MMP23B: variants seen among roughly 807,000 people sequenced by gnomAD.
The protein encoded by MMP23B is matrix metallopeptidase 23B.
Under a neutral mutation model 17.3 loss-of-function variants are expected in MMP23B, and 8 were observed. The observed-to-expected ratio is 0.46, with a 90% CI of 0.27 to 0.83. The LOEUF (loss-of-function observed/expected upper bound fraction) is 0.83. Among genes scored for constraint, MMP23B ranks in the 40% least tolerant of loss-of-function variants. The pLI, the probability that MMP23B is intolerant of heterozygous loss-of-function variation, is 0.14. For synonymous variants in MMP23B, 86 were observed against 116.5 expected, an observed-to-expected ratio of 0.74 and a Z score of 1.69; for missense variants, 154 against 246.2, an observed-to-expected ratio of 0.63 and a Z score of 2.51.
rs1639020920 is a variant in MMP23B, at chr1:1,632,323, G to A, written c.105G>A (p.Val35=). The A allele has an allele frequency of 2.1e-6, 3 of 1,427,132 alleles. No homozygotes were observed. The highest frequency in any genetic ancestry group is 1.8e-6 in the Non-Finnish European group (2 of 1,097,644). The allele number at this position is 1,427,132 out of a possible 1,614,324, so 88.4% of individuals were successfully genotyped here. The change falls in exon 1 of 8, where the codon GTG becomes GTA. Residue 35 remains valine (V), a synonymous_variant. Coordinates refer to ENST00000356026, the MANE Select transcript of MMP23B (RefSeq NM_006983.2). The part of the protein sequence containing the change: ...LVALCLLPAL[V]LLARLGAPAV... Reference sequence around the variant, plus strand: ...CCCTGTGCCTCCTCCCCGCGCTGGTGCTGCTGGCCCGGCTGGGGGCCCCGG... The same window carrying A: ...CCCTGTGCCTCCTCCCCGCGCTGGTACTGCTGGCCCGGCTGGGGGCCCCGG...
rs911062963 is a variant in MMP23B at position 1,632,510 on chromosome 1, G to A, written c.156+136G>A. ...GGTCCGGATGTGCGTCCCGAGGTCG[G>A]AGGGTTGGACGCCCCTGTGTCCAGT... On this transcript the variant is annotated intron_variant, in intron 1 of 7. Transcript: ENST00000356026. The A allele has an allele frequency of 2.6e-5, 19 of 728,278 alleles. 1 individual carries two copies. In the African/African-American group the frequency reaches 2.9e-4, roughly 11 times the overall value. 45.1% of individuals were successfully genotyped at this position (728,278 alleles called of 1,614,324 possible). A position where few individuals can be genotyped will look rare whatever the true frequency, so the allele number is the denominator to read the frequency against.
intron 1 of MMP23B, 35 bp downstream of exon 1, chr1:1,632,409 GGGGGGTCCTCACGTCTGT>G: frequency 7.3e-7 from 1 of 1,369,868 alleles, no homozygotes; most frequent in East Asian, 2.9e-5. Context: ...TGCCGGGTTG[GGGGGGTCCTCACGTCTGT>G]GGGTCTGGTC....
chr1:1,632,788 C>T lies in MMP23B; in HGVS notation c.162C>T (p.Asp54=). 2 of 198,512 alleles carry T rather than the reference C, an allele frequency of 1.0e-5. No individual in the cohort carries two copies. The highest frequency in any genetic ancestry group is 5.7e-5 in the South Asian group (2 of 35,384). The allele number at this position is 198,512 out of a possible 1,614,324, so 12.3% of individuals were successfully genotyped here. Residue 54 remains aspartate, a synonymous_variant, in exon 2 of 8, where the codon GAC becomes GAT. Transcript: ENST00000356026. ...AVPAWSAAQG[D]VAALGLSAVP... ...GCACGCTTTCTTCCCTGAAGGGAGACGTCGCTGCGCTGGGCCTCTCGGCGG... is the reference window on the plus strand; with the variant it reads ...GCACGCTTTCTTCCCTGAAGGGAGATGTCGCTGCGCTGGGCCTCTCGGCGG...
chr1:1,632,365 C>A lies in MMP23B; in HGVS notation c.147C>A (p.Ser49Arg). 1 of 1,385,508 alleles carries A rather than the reference C, an allele frequency of 7.2e-7. No homozygotes were observed. Among genetic ancestry groups the A allele is most frequent in the South Asian group, 1.7e-5 (1 of 59,528 alleles). The allele number at this position is 1,385,508 out of a possible 1,614,324, so 85.8% of individuals were successfully genotyped here. Residue 49 changes from serine to arginine, a missense_variant, in exon 1 of 8, where the codon AGC becomes AGA. This residue lies in a region of MMP23B where 129 missense variants were observed against 83.5 expected (regional missense o/e 1.54). Coordinates refer to ENST00000356026, the MANE Select transcript of MMP23B (RefSeq NM_006983.2). Reference sequence around the variant, plus strand: ...GGGCCCCGGCGGTGCCGGCCTGGAGCGCAGCGCAGGTGAGCGGCGGGGGGG... The same window carrying A: ...GGGCCCCGGCGGTGCCGGCCTGGAGAGCAGCGCAGGTGAGCGGCGGGGGGG... ...RLGAPAVPAWSAAQGDVAALG... is the reference protein window; with the variant it reads ...RLGAPAVPAWRAAQGDVAALG...
In MMP23B at chr1:1,632,766, C is replaced by A; in HGVS notation, c.157-17C>A. 1 of 225,830 alleles carries A rather than the reference C, an allele frequency of 4.4e-6. No individual in the cohort carries two copies. 14.0% of individuals were successfully genotyped at this position (225,830 alleles called of 1,614,324 possible). On this transcript the variant is annotated splice_polypyrimidine_tract_variant and intron_variant, in intron 1 of 7. Transcript: ENST00000356026. ...GACCGTCACCGATGCCTCCCACGCA[C>A]GCTTTCTTCCCTGAAGGGAGACGTC...
intron 1 of MMP23B, 91 bp downstream of exon 1, chr1:1,632,465 G>C: frequency 9.2e-7 from 1 of 1,081,348 alleles, no homozygotes; most frequent in Non-Finnish European, 1.3e-6. Context: ...GACGTGTGCG[G>C]GGTGTGCGGG....
chr1:1,632,337 T>A lies in MMP23B; in HGVS notation c.119T>A (p.Leu40Gln). The change falls in exon 1 of 8, where the codon CTG (leucine) becomes CAG (glutamine). Residue 40 changes from leucine (L) to glutamine (Q), a missense_variant. By Grantham distance (113) the Leu-to-Gln change is moderately radical (BLOSUM62 -2). Coordinates refer to ENST00000356026, the MANE Select transcript of MMP23B (RefSeq NM_006983.2). Reference sequence around the variant, plus strand: ...CCCGCGCTGGTGCTGCTGGCCCGGCTGGGGGCCCCGGCGGTGCCGGCCTGG... The same window carrying A: ...CCCGCGCTGGTGCTGCTGGCCCGGCAGGGGGCCCCGGCGGTGCCGGCCTGG... Reference protein sequence around the residue: ...LLPALVLLARLGAPAVPAWSA... With the variant: ...LLPALVLLARQGAPAVPAWSA... 7.1e-7 allele frequency: 1 copy of A among 1,410,166 alleles called. No individual in the cohort carries two copies. The allele number at this position is 1,410,166 out of a possible 1,614,324, so 87.4% of individuals were successfully genotyped here.
At position 1,632,301 on chromosome 1, in the gene MMP23B, T is replaced by G; in HGVS notation, c.83T>G (p.Leu28Arg). ...TGGCTTGGAGCCGCGCTGGTCGCCC[T>G]GTGCCTCCTCCCCGCGCTGGTGCTG... Reference protein sequence around the residue: ...RRWLGAALVALCLLPALVLLA... With the variant: ...RRWLGAALVARCLLPALVLLA... Residue 28 changes from leucine to arginine, a missense_variant, in exon 1 of 8, where the codon CTG (leucine) becomes CGG (arginine). Around this residue, in one of 4 missense-constraint regions of MMP23B, gnomAD observed 129 missense variants for 83.5 expected, o/e 1.54. Coordinates refer to ENST00000356026, the MANE Select transcript of MMP23B (RefSeq NM_006983.2). 1 of 1,430,644 alleles carries G rather than the reference T, an allele frequency of 7.0e-7. No homozygotes were observed. Among genetic ancestry groups the G allele is most frequent in the Non-Finnish European group, 9.1e-7 (1 of 1,098,176 alleles). 88.6% of individuals were successfully genotyped at this position (1,430,644 alleles called of 1,614,324 possible). A position where few individuals can be genotyped will look rare whatever the true frequency, so the allele number is the denominator to read the frequency against.
In MMP23B at chr1:1,632,235, G is replaced by A. The variant is rs979717776; in HGVS notation, c.17G>A (p.Arg6His). The A allele has an allele frequency of 3.2e-5, 43 of 1,338,152 alleles. No individual in the cohort carries two copies. The highest frequency in any genetic ancestry group is 4.1e-5 in the South Asian group (2 of 48,470). The allele number at this position is 1,338,152 out of a possible 1,614,324, so 82.9% of individuals were successfully genotyped here. Residue 6 changes from arginine to histidine, a missense_variant, in exon 1 of 8, where the codon CGT becomes CAT. Physicochemically the swap from Arg to His is conservative, Grantham distance 29. Around this residue, in one of 4 missense-constraint regions of MMP23B, gnomAD observed 129 missense variants for 83.5 expected, o/e 1.54. Transcript: ENST00000356026. MGRGA[R>H]VPSEAPGAGV... Reference sequence around the variant, plus strand: ...AAGTCTGCCATGGGCCGCGGGGCCCGTGTCCCCTCGGAGGCCCCGGGGGCA... The same window carrying A: ...AAGTCTGCCATGGGCCGCGGGGCCCATGTCCCCTCGGAGGCCCCGGGGGCA...
rs1639010765 is a variant in MMP23B at position 1,632,188 on chromosome 1, A to T, written c.-31A>T. 1 of 1,253,952 alleles carries T rather than the reference A, an allele frequency of 8.0e-7. No homozygotes were observed. Among genetic ancestry groups the T allele is most frequent in the South Asian group, 3.0e-5 (1 of 32,986 alleles). The allele number at this position is 1,253,952 out of a possible 1,614,324, so 77.7% of individuals were successfully genotyped here. ...CCGGGCCCCCGCGCCTTGCTGCCCC[A>T]TGCAGCCCTGAGCCCCACAGCAAGT... On this transcript the variant is annotated 5_prime_UTR_variant, in exon 1 of 8. The change abolishes an upstream ATG in the 5' untranslated region. Coordinates refer to ENST00000356026, the MANE Select transcript of MMP23B (RefSeq NM_006983.2).
rs886729034 is a variant in MMP23B at position 1,632,416 on chromosome 1, C to A, written c.156+42C>A. ...AGGCCAGGTGCCGGGTTGGGGGGGTCCTCACGTCTGTGGGTCTGGTCTATC... is the reference window on the plus strand; with the variant it reads ...AGGCCAGGTGCCGGGTTGGGGGGGTACTCACGTCTGTGGGTCTGGTCTATC... On this transcript the variant is annotated intron_variant, in intron 1 of 7. Coordinates refer to ENST00000356026, the MANE Select transcript of MMP23B (RefSeq NM_006983.2). The A allele has an allele frequency of 2.9e-6, 4 of 1,358,806 alleles. No homozygotes were observed. In the African/African-American group the frequency reaches 4.5e-5, roughly 15 times the overall value. 84.2% of individuals were successfully genotyped at this position (1,358,806 alleles called of 1,614,324 possible).
Position 1,634,456 on chromosome 1 carries a change from A to G in MMP23B, c.1004A>G (p.Tyr335Cys). ...GACGCCCCGCCCCCCTGCAGCTGGT[A>G]CAAGGACCAGGAGCCCCTGGAGTTC... is the stretch of plus-strand genomic sequence containing the variant. ...ILHKKGKVYW[Y>C]KDQEPLEFSY... is the part of the protein sequence containing the mutation. The change falls in exon 8 of 8, where the codon TAC (tyrosine) becomes TGC (cysteine). Residue 335 changes from tyrosine (Y) to cysteine (C), a missense_variant. By Grantham distance (194) the Tyr-to-Cys change is radical. Coordinates refer to ENST00000356026, the MANE Select transcript of MMP23B (RefSeq NM_006983.2). The G allele has an allele frequency of 7.7e-7, 1 of 1,302,600 alleles. No homozygotes were observed. Among genetic ancestry groups the G allele is most frequent in the South Asian group, 1.4e-5 (1 of 70,010 alleles). The allele number at this position is 1,302,600 out of a possible 1,614,324, so 80.7% of individuals were successfully genotyped here.
In MMP23B at chr1:1,632,209, C is replaced by T; in HGVS notation, c.-10C>T. On this transcript the variant is annotated 5_prime_UTR_variant, in exon 1 of 8. Transcript: ENST00000356026. ...CCCCATGCAGCCCTGAGCCCCACAG[C>T]AAGTCTGCCATGGGCCGCGGGGCCC... 1 of 1,305,324 alleles carries T rather than the reference C, an allele frequency of 7.7e-7. No individual in the cohort carries two copies. Among genetic ancestry groups the T allele is most frequent in the Non-Finnish European group, 9.7e-7 (1 of 1,034,270 alleles). The allele number at this position is 1,305,324 out of a possible 1,614,324, so 80.9% of individuals were successfully genotyped here.
Position 1,632,265 on chromosome 1 carries a change from T to A in MMP23B, c.47T>A (p.Val16Asp), listed in dbSNP as rs769905531. ...CCCTCGGAGGCCCCGGGGGCAGGCG[T>A]CGAGCGCCGCTGGCTTGGAGCCGCG... ...RVPSEAPGAG[V>D]ERRWLGAALV... The change falls in exon 1 of 8, where the codon GTC becomes GAC. Residue 16 changes from valine to aspartate, a missense_variant. Val to Asp is a radical substitution (Grantham distance 152). Around this residue, in one of 4 missense-constraint regions of MMP23B, gnomAD observed 129 missense variants for 83.5 expected, o/e 1.54. Coordinates refer to ENST00000356026, the MANE Select transcript of MMP23B (RefSeq NM_006983.2). 7.3e-7 allele frequency: 1 copy of A among 1,374,786 alleles called. No individual in the cohort carries two copies. The highest frequency in any genetic ancestry group is 9.3e-7 in the Non-Finnish European group (1 of 1,070,132). 85.2% of individuals were successfully genotyped at this position (1,374,786 alleles called of 1,614,324 possible).
rs1569961808 is a variant in MMP23B, at chr1:1,632,205, A to G, written c.-14A>G. ...GCTGCCCCATGCAGCCCTGAGCCCC[A>G]CAGCAAGTCTGCCATGGGCCGCGGG... On this transcript the variant is annotated 5_prime_UTR_variant, in exon 1 of 8. Transcript: ENST00000356026. The G allele has an allele frequency of 1.9e-5, 25 of 1,296,966 alleles. No individual in the cohort carries two copies. The East Asian group carries it at 7.9e-4, about 41-fold the overall frequency. 80.3% of individuals were successfully genotyped at this position (1,296,966 alleles called of 1,614,324 possible).
rs1018990804 is a variant in MMP23B at position 1,632,356 on chromosome 1, G to C, written c.138G>C (p.Pro46=). The change falls in exon 1 of 8, where the codon CCG becomes CCC. Residue 46 remains proline (P), a synonymous_variant. Transcript: ENST00000356026. ...CCCGGCTGGGGGCCCCGGCGGTGCCGGCCTGGAGCGCAGCGCAGGTGAGCG... is the reference window on the plus strand; with the variant it reads ...CCCGGCTGGGGGCCCCGGCGGTGCCCGCCTGGAGCGCAGCGCAGGTGAGCG... ...LLARLGAPAV[P]AWSAAQGDVA... 2.2e-5 allele frequency: 30 copies of C among 1,387,684 alleles called. No homozygotes were observed. Among genetic ancestry groups the C allele is most frequent in the Non-Finnish European group, 2.8e-5 (30 of 1,082,722 alleles). 86.0% of individuals were successfully genotyped at this position (1,387,684 alleles called of 1,614,324 possible). A position where few individuals can be genotyped will look rare whatever the true frequency, so the allele number is the denominator to read the frequency against.
In MMP23B at chr1:1,634,409, G is replaced by C. The variant is rs757942134; in HGVS notation, c.999-42G>C. 164 of 1,361,018 alleles carry C rather than the reference G, an allele frequency of 1.2e-4. 16 individuals carry two copies. The highest frequency in any genetic ancestry group is 5.7e-4 in the Admixed American group (25 of 43,596). The allele number at this position is 1,361,018 out of a possible 1,614,324, so 84.3% of individuals were successfully genotyped here. A position where few individuals can be genotyped will look rare whatever the true frequency, so the allele number is the denominator to read the frequency against. ...GCAGGGGTGCGGGGCAGGCAGCCGG[G>C]GGGGGGGCTGTGCCTGCAGGAGACG... On this transcript the variant is annotated intron_variant, in intron 7 of 7. Transcript: ENST00000356026.
rs1639044458 is a variant in MMP23B at position 1,632,813 on chromosome 1, G to GT, written c.188dup (p.Thr66HisfsTer300). ...CGTCGCTGCGCTGGGCCTCTCGGCG[G>GT]TCCCCCCCACCCGGGTCCCGGGCCC... On this transcript the variant is annotated frameshift_variant, in exon 2 of 8. Coordinates refer to ENST00000356026, the MANE Select transcript of MMP23B (RefSeq NM_006983.2). LOFTEE classifies it high-confidence loss of function. The GT allele has an allele frequency of 2.8e-5, 5 of 180,724 alleles. No individual in the cohort carries two copies. The highest frequency in any genetic ancestry group is 4.8e-5 in the Non-Finnish European group (5 of 104,170). 11.2% of individuals were successfully genotyped at this position (180,724 alleles called of 1,614,324 possible). A position where few individuals can be genotyped will look rare whatever the true frequency, so the allele number is the denominator to read the frequency against.
At position 1,632,832 on chromosome 1, in the gene MMP23B, C is replaced by A; in HGVS notation, c.206C>A (p.Pro69Gln). The change falls in exon 2 of 8, where the codon CCG (proline) becomes CAG (glutamine). Residue 69 changes from proline to glutamine, a missense_variant. Pro to Gln is a moderately conservative substitution (Grantham distance 76). This residue lies in a region of MMP23B where 0 missense variants were observed against 20.9 expected (regional missense o/e 0.00). Transcript: ENST00000356026. ...TCGGCGGTCCCCCCCACCCGGGTCC[C>A]GGGCCCACTGGCCCCCCGCAGACGC... Reference protein sequence around the residue: ...GLSAVPPTRVPGPLAPRRRRY... With the variant: ...GLSAVPPTRVQGPLAPRRRRY... The A allele has an allele frequency of 5.2e-6, 1 of 192,928 alleles. No homozygotes were observed. The highest frequency in any genetic ancestry group is 9.0e-6 in the Non-Finnish European group (1 of 111,546). The allele number at this position is 192,928 out of a possible 1,614,324, so 12.0% of individuals were successfully genotyped here. A position where few individuals can be genotyped will look rare whatever the true frequency, so the allele number is the denominator to read the frequency against.
Sources: allele counts gnomAD v4.1 joint callset, GRCh38; gene constraint gnomAD v4.1.1; regional missense constraint gnomAD v4.1.1; transcripts MANE v1.5; gene names NCBI Gene and HGNC (gene_info 2026-07-23, HGNC 2026-07-21).